The following CD200R1L variants were observed in gnomAD, a reference collection of about 807,000 sequenced individuals.
CD200R1L encodes CD200 receptor 1 like.
CD200R1L carries 14 observed loss-of-function variants against 24.8 expected under a neutral mutation model. The ratio of observed to expected loss-of-function variants is 0.56; its 90% confidence interval spans 0.37 to 0.88. CD200R1L has a LOEUF of 0.88. Ranked by LOEUF, CD200R1L falls within the 40% of genes least tolerant of loss-of-function variation. CD200R1L has a pLI of 0.00. For synonymous variants in CD200R1L, 111 were observed against 109.2 expected (o/e 1.02, Z -0.11); for missense variants, 299 against 297.8 (o/e 1.00, Z -0.03).
chr3:112,834,721 C>G (rs1307087004), intron 3 of CD200R1L, among the ~76,000 whole-genome samples: 1 of 152,244 alleles, frequency 6.6e-6, no homozygotes, highest in Non-Finnish European at 1.5e-5. Context: ...GATCCCACAT[C>G]TGCCAAGGAC....
chr3:112,845,698 G>A lies in CD200R1L; in HGVS notation c.-106C>T, dbSNP rs761146389. The A allele has an allele frequency of 5.0e-6, 8 of 1,613,278 alleles. No individual in the cohort carries two copies. Among genetic ancestry groups the A allele is most frequent in the South Asian group, 1.1e-5 (1 of 91,044 alleles). The stretch of plus-strand genomic sequence containing the variant: ...ACTTACCAGACACCATGATAATGAT[G>A]GAAATCAGTAATCTTGGAGCTGACA... On this transcript the variant is annotated 5_prime_UTR_variant, in exon 2 of 8. Coordinates refer to ENST00000488794, the MANE Select transcript of CD200R1L (RefSeq NM_001199215.3).
Position 112,819,870 on chromosome 3 carries a change from C to T in CD200R1L, c.642G>A (p.Ala214=), listed in dbSNP as rs562534313. 18 of 1,605,554 alleles carry T rather than the reference C, an allele frequency of 1.1e-5. No individual in the cohort carries two copies. Among genetic ancestry groups the T allele is most frequent in the Middle Eastern group, 1.7e-4 (1 of 6,040 alleles). The part of the protein sequence containing the change: ...NSGLRTSGSP[A]LSLLIILYVK... ...CATAAAGAATGATCAGTAAGGACAA[C>T]GCTGGAGATCCTGAGGTTCTGAGAC... Residue 214 remains alanine (A), a synonymous_variant, in exon 7 of 8, where the codon GCG becomes GCA. Transcript: ENST00000488794.
chr3:112,833,861 G>T (rs1938869309), intron 3 of CD200R1L, among the ~76,000 whole-genome samples: 1 of 152,150 alleles, frequency 6.6e-6, no homozygotes, highest in African/African-American at 2.4e-5. Context: ...CCCCACTCTG[G>T]TCTGGCCCTG....
intron 7 of CD200R1L, among the ~76,000 whole-genome samples, chr3:112,819,515 G>T (rs189905289): frequency 0.014 from 2,058 of 152,242 alleles, 29 homozygotes; most frequent in Non-Finnish European, 0.021. Context: ...CTGAAGATGT[G>T]GACTAGGCCA....
At chr3:112,832,594 A>G (rs1194125493) in intron 3 of CD200R1L, among the ~76,000 whole-genome samples, 2 of 152,152 alleles carry the variant, frequency 1.3e-5, no homozygotes, top group Non-Finnish European at 2.9e-5. Context: ...TACTTAATTT[A>G]CCAGTTAGAT....
Position 112,837,305 on chromosome 3 carries a change from G to A in CD200R1L, c.-18+637C>T, listed in dbSNP as rs143207211. On this transcript the variant is annotated intron_variant, in intron 3 of 7. Coordinates refer to ENST00000488794, the MANE Select transcript of CD200R1L (RefSeq NM_001199215.3). ...ATCCCATTAAAAAAATCAGTTCTTG[G>A]AATCATTTATAAATTCTAGCTTTCC... 8.1e-4 allele frequency among the ~76,000 whole-genome samples: 123 copies of A among 151,628 alleles called. 1 individual carries two copies. The highest frequency in any genetic ancestry group is 2.9e-3 in the African/African-American group (120 of 41,314).
At chr3:112,819,699 G>T (rs1938484573) in intron 7 of CD200R1L, 73 bp downstream of exon 7, 2 of 1,462,796 alleles carry the variant, frequency 1.4e-6, no homozygotes, top group South Asian at 3.0e-5. Context: ...CCAGTACATT[G>T]TAAACTCAAA....
chr3:112,823,554 A>G (rs957124068), intron 6 of CD200R1L, among the ~76,000 whole-genome samples: 2 of 151,972 alleles, frequency 1.3e-5, no homozygotes, highest in Non-Finnish European at 1.5e-5. Flanking sequence ...AGGGAAAAAA[A>G]CTCACACACA....
intron 2 of CD200R1L, among the ~76,000 whole-genome samples, chr3:112,842,848 G>A (rs923940362): frequency 5.3e-5 from 8 of 152,124 alleles, no homozygotes; most frequent in East Asian, 1.9e-4. Flanking sequence ...CTCTGCTCTC[G>A]AACTCTGTTT....
intron 2 of CD200R1L, chr3:112,841,252 G>C: frequency 4.4e-6 from 2 of 450,210 alleles, no homozygotes; most frequent in Middle Eastern, 3.3e-4. Context: ...CTCACCTTCT[G>C]CTGGCCATTT....
rs1348868642 is a variant in CD200R1L, at chr3:112,845,918, T to G, written c.-326A>C. 3 of 543,336 alleles carry G rather than the reference T, an allele frequency of 5.5e-6. No individual in the cohort carries two copies. Among genetic ancestry groups the G allele is most frequent in the South Asian group, 5.0e-5 (2 of 40,086 alleles). The allele number at this position is 543,336 out of a possible 1,614,324, so 33.7% of individuals were successfully genotyped here. A position where few individuals can be genotyped will look rare whatever the true frequency, so the allele number is the denominator to read the frequency against. On this transcript the variant is annotated 5_prime_UTR_variant, in exon 2 of 8. Coordinates refer to ENST00000488794, the MANE Select transcript of CD200R1L (RefSeq NM_001199215.3). ...TGTCATTCTATATGTTTTTGACTGATTAACCACTGATGGGAAATGTCAGTG... is the reference window on the plus strand; with the variant it reads ...TGTCATTCTATATGTTTTTGACTGAGTAACCACTGATGGGAAATGTCAGTG...
chr3:112,835,525 G>T (rs369359775), intron 3 of CD200R1L, among the ~76,000 whole-genome samples: 79 of 152,238 alleles, frequency 5.2e-4, no homozygotes, highest in African/African-American at 1.8e-3. Flanking sequence ...GGTGGGCTCA[G>T]AAAAAGCACT....
intron 7 of CD200R1L, among the ~76,000 whole-genome samples, chr3:112,817,904 C>G (rs940806119): frequency 6.6e-6 from 1 of 152,162 alleles, no homozygotes; most frequent in Admixed American, 6.5e-5. Context: ...GCCCCAGAAT[C>G]ATGGGGGTAG....
At chr3:112,816,240 G>A (rs1233969180) in intron 7 of CD200R1L, among the ~76,000 whole-genome samples, 1 of 152,152 alleles carries the variant, frequency 6.6e-6, no homozygotes, top group Admixed American at 6.5e-5. Flanking sequence ...TCTTGACTGA[G>A]CTTACTCATA....
At chr3:112,817,566 A>G (rs1938428694) in intron 7 of CD200R1L, among the ~76,000 whole-genome samples, 2 of 152,230 alleles carry the variant, frequency 1.3e-5, no homozygotes, top group South Asian at 4.1e-4. Context: ...GGGCAGAGCC[A>G]TAAGATAAAG....
At chr3:112,816,695 AAATCAATTCCATATTGTAGCTCCCAT>A (rs765654371) in intron 7 of CD200R1L, among the ~76,000 whole-genome samples, 1 of 152,156 alleles carries the variant, frequency 6.6e-6, no homozygotes, top group Non-Finnish European at 1.5e-5. Flanking sequence ...TGTGTTATGG[AAATCAATTCCATATTGTAGCTCCCAT>A]AATCAATTCC....
intron 2 of CD200R1L, among the ~76,000 whole-genome samples, chr3:112,841,776 C>T (rs118042684): frequency 2.6e-5 from 4 of 152,314 alleles, no homozygotes; most frequent in East Asian, 1.9e-4. Context: ...TTGGCCCCCC[C>T]GGAACACCTG....
At chr3:112,822,164 A>G (rs1212000812) in intron 6 of CD200R1L, among the ~76,000 whole-genome samples, 1 of 152,222 alleles carries the variant, frequency 6.6e-6, no homozygotes, top group Admixed American at 6.5e-5. Flanking sequence ...TTGTAATATG[A>G]TAAGCAATAT....
At position 112,815,713 on chromosome 3, in the gene CD200R1L, G is replaced by A. The variant is rs951923919; in HGVS notation, c.*250C>T. 4 of 461,234 alleles carry A rather than the reference G, an allele frequency of 8.7e-6. No individual in the cohort carries two copies. The highest frequency in any genetic ancestry group is 3.9e-5 in the Admixed American group (1 of 25,732). 28.6% of individuals were successfully genotyped at this position (461,234 alleles called of 1,614,324 possible). A position where few individuals can be genotyped will look rare whatever the true frequency, so the allele number is the denominator to read the frequency against. Reference sequence around the variant, plus strand: ...TAGAGTAAAACCAAAAATAACACTGGCATGAACAAAATTTTATTCACTCTA... The same window carrying A: ...TAGAGTAAAACCAAAAATAACACTGACATGAACAAAATTTTATTCACTCTA... On this transcript the variant is annotated 3_prime_UTR_variant, in exon 8 of 8. Transcript: ENST00000488794.
Sources: gnomAD v4.1 joint callset for allele counts (sites outside exome capture counted in the v4.1 genomes callset) on GRCh38, gnomAD v4.1.1 for gene constraint, MANE v1.5 for transcripts, NCBI Gene and HGNC (gene_info 2026-07-23, HGNC 2026-07-21) for gene names.